GPC6: variants seen among roughly 807,000 people sequenced by gnomAD.
GPC6 encodes the protein glypican-6.
In GPC6, 14 loss-of-function variants were observed where a neutral mutation model predicts 55.2. The ratio of observed to expected loss-of-function variants is 0.25; its 90% CI spans 0.17 to 0.40. GPC6 has a LOEUF of 0.40. Ranked by LOEUF, GPC6 falls within the 10% of genes least tolerant of loss-of-function variation. The pLI, the probability that GPC6 is intolerant of heterozygous loss-of-function variation, is 1.00. For synonymous variants in GPC6, 278 were observed against 259.6 expected (o/e 1.07, Z -0.68); for missense variants, 641 against 708.5 (o/e 0.90, Z 1.08).
intron 3 of GPC6, among the ~76,000 whole-genome samples, chr13:93,946,188 G>A (rs1236240747): frequency 6.6e-6 from 1 of 152,202 alleles, no homozygotes; most frequent in Non-Finnish European, 1.5e-5. Context: ...AAGAATAATA[G>A]CATTATGTTG....
At chr13:93,671,786 C>G (rs1017818670) in intron 2 of GPC6, among the ~76,000 whole-genome samples, 2 of 152,032 alleles carry the variant, frequency 1.3e-5, no homozygotes, top group African/African-American at 2.4e-5. Flanking sequence ...GTTTCATCCT[C>G]TTTGCCAGCA....
chr13:93,955,664 G>A (rs1194227053), intron 3 of GPC6, among the ~76,000 whole-genome samples: 6 of 152,144 alleles, frequency 3.9e-5, no homozygotes, highest in Non-Finnish European at 1.5e-5. Flanking sequence ...CTGAGATGCT[G>A]GAGGAGGCTA....
chr13:94,155,004 A>T (rs1887879472), intron 4 of GPC6, among the ~76,000 whole-genome samples: 1 of 151,984 alleles, frequency 6.6e-6, no homozygotes, highest in Non-Finnish European at 1.5e-5. Context: ...TTGTCCCTTG[A>T]GCGCTGGTGT....
At chr13:94,351,824 G>A (rs935728604) in intron 6 of GPC6, among the ~76,000 whole-genome samples, 2 of 151,856 alleles carry the variant, frequency 1.3e-5, no homozygotes, top group Non-Finnish European at 2.9e-5. Context: ...TTTCCCTTAT[G>A]GGTTTGAGTC....
chr13:93,224,197 C>CTT (rs34332669), upstream of GPC6, among the ~76,000 whole-genome samples: 125 of 133,592 alleles, frequency 9.4e-4, no homozygotes, highest in African/African-American at 3.4e-3. Context: ...CGCGCCCGGC[C>CTT]TTTTTTTTTT....
chr13:93,423,545 G>C (rs1877007754), intron 1 of GPC6, among the ~76,000 whole-genome samples: 1 of 152,030 alleles, frequency 6.6e-6, no homozygotes, highest in Admixed American at 6.6e-5. Flanking sequence ...GTAATTTATT[G>C]CTTTCAGTTG....
chr13:93,254,433 T>C (rs1876884611), intron 1 of GPC6, among the ~76,000 whole-genome samples: 1 of 152,234 alleles, frequency 6.6e-6, no homozygotes, highest in Non-Finnish European at 1.5e-5. Flanking sequence ...AAGATGATAC[T>C]AATGGTGTGG....
Position 93,966,133 on chromosome 13 carries a change from G to C in GPC6, c.712-61596G>C, listed in dbSNP as rs1030596314. Among the ~76,000 whole-genome samples the C allele has an allele frequency of 3.9e-5, 6 of 152,266 alleles. No homozygotes were observed. In the East Asian group the frequency reaches 1.2e-3, roughly 29 times the overall value. On this transcript the variant is annotated intron_variant, in intron 3 of 8. Transcript: ENST00000377047. ...ATTACAAGCTGAGGGATCTCCTCCT[G>C]GGGCACCTTTGCTTGTATGATCCAC...
intron 3 of GPC6, among the ~76,000 whole-genome samples, chr13:93,836,420 G>C (rs1488784717): frequency 2.0e-5 from 3 of 152,196 alleles, no homozygotes; most frequent in Admixed American, 1.3e-4. Flanking sequence ...TCCTTCTGTG[G>C]TGGTTTTTGG....
chr13:93,873,928 C>T (rs1394602357), intron 3 of GPC6, among the ~76,000 whole-genome samples: 1 of 151,886 alleles, frequency 6.6e-6, no homozygotes, highest in African/African-American at 2.4e-5. Context: ...TGAGCATTAC[C>T]ATCTCCACTG....
chr13:93,935,992 C>T (rs1446668617), intron 3 of GPC6, among the ~76,000 whole-genome samples: 1 of 151,914 alleles, frequency 6.6e-6, no homozygotes, highest in Non-Finnish European at 1.5e-5. Flanking sequence ...ATAAACTTAA[C>T]AATATTAAAG....
intron 4 of GPC6, among the ~76,000 whole-genome samples, chr13:94,061,079 A>C (rs1156912059): frequency 6.6e-6 from 1 of 152,234 alleles, no homozygotes; most frequent in Non-Finnish European, 1.5e-5. Context: ...AGGTACAATA[A>C]AGTGAAAATA....
intron 2 of GPC6, among the ~76,000 whole-genome samples, chr13:93,596,104 G>T (rs574727689): frequency 3.3e-5 from 5 of 152,076 alleles, no homozygotes; most frequent in Admixed American, 6.6e-5. Flanking sequence ...CCTAGCAAGG[G>T]TTAATCTTTG....
At chr13:94,130,651 C>A (rs1389810261) in intron 4 of GPC6, among the ~76,000 whole-genome samples, 1 of 152,084 alleles carries the variant, frequency 6.6e-6, no homozygotes, top group African/African-American at 2.4e-5. Context: ...TCAAGTAACA[C>A]CCAGGCAGCT....
At chr13:94,375,320 AAAAG>A (rs1477721835) in intron 6 of GPC6, among the ~76,000 whole-genome samples, 1 of 152,216 alleles carries the variant, frequency 6.6e-6, no homozygotes, top group African/African-American at 2.4e-5. Context: ...AATAAAGAAA[AAAAG>A]AGAGAAGAAT....
At chr13:93,765,754 C>T (rs906184503) in intron 2 of GPC6, among the ~76,000 whole-genome samples, 1 of 152,176 alleles carries the variant, frequency 6.6e-6, no homozygotes, top group African/African-American at 2.4e-5. Context: ...TAGTGCTGAC[C>T]TCTTAAAAGT....
intron 4 of GPC6, among the ~76,000 whole-genome samples, chr13:94,189,067 C>T (rs1247366898): frequency 6.6e-6 from 1 of 152,076 alleles, no homozygotes; most frequent in Non-Finnish European, 1.5e-5. Flanking sequence ...CTTATATCAC[C>T]CAGAAGCTCT....
At chr13:94,167,094 A>C (rs1432841712) in intron 4 of GPC6, among the ~76,000 whole-genome samples, 1 of 152,134 alleles carries the variant, frequency 6.6e-6, no homozygotes, top group Non-Finnish European at 1.5e-5. Context: ...TTTTCCATTT[A>C]TATTATCAGC....
chr13:94,266,400 C>T (rs1445145549), intron 4 of GPC6, among the ~76,000 whole-genome samples: 3 of 152,152 alleles, frequency 2.0e-5, no homozygotes, highest in Admixed American at 6.5e-5. Context: ...GATCTCCTGA[C>T]CTCGTGATCC....
Sources: gnomAD v4.1 joint callset for allele counts (sites outside exome capture counted in the v4.1 genomes callset) on GRCh38, gnomAD v4.1.1 for gene constraint, MANE v1.5 for transcripts, NCBI Gene and HGNC (gene_info 2026-07-23, HGNC 2026-07-21) for gene names.